Variants in FAT3 observed in about 807,000 individuals in gnomAD.
FAT3 encodes the protein FAT atypical cadherin 3, also known as protocadherin Fat 3.
A neutral mutation model predicts 310.2 loss-of-function variants in FAT3; 95 were observed. That is an observed-to-expected ratio of 0.31 (90% CI 0.26 to 0.36). The LOEUF is 0.36. FAT3 is among the 10% of genes least tolerant of loss of function. The pLI is 1.00. For synonymous variants in FAT3, 2,314 were observed against 2,192.9 expected (o/e 1.06, Z -1.54); for missense variants, 5,408 against 5,715.6 (o/e 0.95, Z 1.74).
intron 13 of FAT3, among the ~76,000 whole-genome samples, chr11:92,819,096 T>C (rs1222964872): frequency 6.6e-6 from 1 of 152,194 alleles, no homozygotes; most frequent in Non-Finnish European, 1.5e-5. Context: ...ATTTAATATA[T>C]GAATAAACTC....
intron 13 of FAT3, among the ~76,000 whole-genome samples, chr11:92,817,246 A>G (rs1947848202): frequency 6.6e-6 from 1 of 152,152 alleles, no homozygotes; most frequent in African/African-American, 2.4e-5. Flanking sequence ...AGAAGAGAAC[A>G]TCTCACCCAG....
At chr11:92,442,111 A>ATATATATATATATTTTTTT (rs1453396603) in intron 2 of FAT3, among the ~76,000 whole-genome samples, 1 of 45,222 alleles carries the variant, frequency 2.2e-5, no homozygotes, top group Admixed American at 4.5e-4. Flanking sequence ...ATATATATAT[A>ATATATATATATATTTTTTT]TTTTTTTTTT....
chr11:92,837,594 T>A, intron 16 of FAT3, 69 bp from the exon 17 acceptor site: 1 of 1,562,706 alleles, frequency 6.4e-7, no homozygotes, highest in East Asian at 2.3e-5. Context: ...TAGCTCCAGT[T>A]CCTCTGTGTG....
chr11:92,669,507 G>A (rs1056942929), intron 3 of FAT3, among the ~76,000 whole-genome samples: 2 of 152,172 alleles, frequency 1.3e-5, no homozygotes, highest in African/African-American at 4.8e-5. Context: ...TCCCTCTTAT[G>A]CCTCTTGATC....
intron 3 of FAT3, among the ~76,000 whole-genome samples, chr11:92,566,454 A>G (rs1955448585): frequency 6.6e-6 from 1 of 151,998 alleles, no homozygotes; most frequent in African/African-American, 2.4e-5. Context: ...GAAAATGGCC[A>G]TACTGCCCAA....
chr11:92,547,923 T>C (rs1954667433), intron 3 of FAT3, among the ~76,000 whole-genome samples: 1 of 152,108 alleles, frequency 6.6e-6, no homozygotes, highest in African/African-American at 2.4e-5. Flanking sequence ...GGGGCACATC[T>C]CCTTGGCTTC....
chr11:92,312,649 C>T (rs1241412895), intron 1 of FAT3, among the ~76,000 whole-genome samples: 2 of 152,144 alleles, frequency 1.3e-5, no homozygotes, highest in Non-Finnish European at 2.9e-5. Flanking sequence ...TGAAAACATT[C>T]TCTTTTTGTG....
At chr11:92,604,603 C>A (rs1940186354) in intron 3 of FAT3, among the ~76,000 whole-genome samples, 4 of 152,170 alleles carry the variant, frequency 2.6e-5, no homozygotes, top group African/African-American at 9.7e-5. Context: ...TAGTAATTGA[C>A]CCTAATGTCT....
chr11:92,401,797 C>T (rs1232472426), intron 2 of FAT3, among the ~76,000 whole-genome samples: 1 of 152,172 alleles, frequency 6.6e-6, no homozygotes, highest in Non-Finnish European at 1.5e-5. Context: ...AAGAAGCCTG[C>T]TATAGGAATT....
At chr11:92,761,785 C>T (rs1946157176) in intron 4 of FAT3, 71 bp from the exon 5 acceptor site, 8 of 1,395,242 alleles carry the variant, frequency 5.7e-6, no homozygotes, top group South Asian at 1.4e-5. Context: ...TTAGAAGAAA[C>T]ACCCATAGGT....
chr11:92,781,161 A>C (rs1591722925), intron 7 of FAT3, among the ~76,000 whole-genome samples: 1 of 136,792 alleles, frequency 7.3e-6, no homozygotes, highest in African/African-American at 2.8e-5. Context: ...TGCAACCTCC[A>C]CCTCCCAGGT....
In FAT3 at chr11:92,831,843, G is replaced by A; in HGVS notation, c.9703G>A (p.Val3235Met). The part of the protein sequence containing the change: ...TVLDINDNPP[V>M]FERRDYLVTV... Reference sequence around the variant, plus strand: ...TCTGGACATTAATGACAACCCCCCTGTGTTTGAGAGGAGGGACTACCTGGT... The same window carrying A: ...TCTGGACATTAATGACAACCCCCCTATGTTTGAGAGGAGGGACTACCTGGT... The change falls in exon 14 of 28, where the codon GTG becomes ATG. Residue 3235 changes from valine to methionine, a missense_variant. Coordinates refer to ENST00000525166, the MANE Select transcript of FAT3 (RefSeq NM_001367949.2). 1 of 1,613,662 alleles carries A rather than the reference G, an allele frequency of 6.2e-7. No homozygotes were observed. The highest frequency in any genetic ancestry group is 8.5e-7 in the Non-Finnish European group (1 of 1,179,788).
At position 92,397,857 on chromosome 11, in the gene FAT3, T is replaced by A. The variant is rs762265698; in HGVS notation, c.3292+42453T>A. Among the ~76,000 whole-genome samples the A allele has an allele frequency of 2.0e-5, 3 of 152,000 alleles. No homozygotes were observed. In the East Asian group the frequency reaches 5.8e-4, roughly 29 times the overall value. The stretch of plus-strand genomic sequence containing the variant: ...TGTTATGGAATACTATTTTACAAAC[T>A]TTTTTTGACTGTAATCTACAGTAGG... On this transcript the variant is annotated intron_variant, in intron 2 of 27. Transcript: ENST00000525166.
intron 13 of FAT3, among the ~76,000 whole-genome samples, chr11:92,828,105 G>A (rs1948146124): frequency 6.6e-6 from 1 of 151,876 alleles, no homozygotes; most frequent in Non-Finnish European, 1.5e-5. Context: ...CAATTAGCAA[G>A]CAAGTCTTCT....
chr11:92,804,868 A>C (rs942227766), intron 10 of FAT3, among the ~76,000 whole-genome samples: 3 of 152,202 alleles, frequency 2.0e-5, no homozygotes, highest in Non-Finnish European at 1.5e-5. Context: ...TCACAGTTTG[A>C]ATTTGATTGT....
intron 1 of FAT3, among the ~76,000 whole-genome samples, chr11:92,263,503 T>G (rs1268890565): frequency 6.6e-6 from 1 of 152,044 alleles, no homozygotes; most frequent in Non-Finnish European, 1.5e-5. Context: ...TTTTCTTCCT[T>G]CCTCTGAAAT....
At chr11:92,586,512 G>C (rs1939165157) in intron 3 of FAT3, among the ~76,000 whole-genome samples, 1 of 151,996 alleles carries the variant, frequency 6.6e-6, no homozygotes, top group South Asian at 2.1e-4. Flanking sequence ...GGATATATGA[G>C]AGTTCTTTGG....
chr11:92,376,792 T>C (rs1949360106), intron 2 of FAT3, among the ~76,000 whole-genome samples: 1 of 152,184 alleles, frequency 6.6e-6, no homozygotes, highest in South Asian at 2.1e-4. Flanking sequence ...TTGCTCAGAT[T>C]TGGCAAATTT....
intron 3 of FAT3, among the ~76,000 whole-genome samples, chr11:92,536,777 G>T (rs1044676871): frequency 4.6e-5 from 7 of 152,102 alleles, no homozygotes; most frequent in African/African-American, 1.7e-4. Context: ...AAATTAAGTT[G>T]TGCCTGATAA....
Sources: gnomAD v4.1 joint callset for allele counts (sites outside exome capture counted in the v4.1 genomes callset) on GRCh38, gnomAD v4.1.1 for gene constraint, MANE v1.5 for transcripts, NCBI Gene and HGNC (gene_info 2026-07-23, HGNC 2026-07-21) for gene names.